Variants in NSMAF observed in about 807,000 individuals in gnomAD.
NSMAF encodes protein FAN.
In NSMAF, 90 loss-of-function variants were observed where a neutral mutation model predicts 134.9. The observed-to-expected ratio is 0.67, with a 90% CI of 0.56 to 0.79. NSMAF has a LOEUF of 0.79. Among genes scored for constraint, NSMAF ranks in the 30% least tolerant of loss-of-function variants. The pLI is 0.00. For missense variants in NSMAF, 1,010 were observed against 1,119.0 expected (o/e 0.90, Z 1.39); for synonymous variants, 358 against 389.6 (o/e 0.92, Z 0.96).
At chr8:58,651,145 G>A (rs1807573229) in intron 1 of NSMAF, among the ~76,000 whole-genome samples, 1 of 151,870 alleles carries the variant, frequency 6.6e-6, no homozygotes, top group Non-Finnish European at 1.5e-5. Flanking sequence ...TCCAATCTTG[G>A]GTCTCATCTT....
chr8:58,607,527 T>C (rs1806435094), intron 11 of NSMAF, among the ~76,000 whole-genome samples: 1 of 152,262 alleles, frequency 6.6e-6, no homozygotes, highest in Non-Finnish European at 1.5e-5. Flanking sequence ...AAGGGCACTC[T>C]AGCCCTCTTG....
At position 58,584,145 on chromosome 8, in the gene NSMAF, C is replaced by T. The variant is rs1805830577; in HGVS notation, c.2715G>A (p.Gly905=). 2 of 1,613,426 alleles carry T rather than the reference C, an allele frequency of 1.2e-6. No homozygotes were observed. The highest frequency in any genetic ancestry group is 1.1e-5 in the South Asian group (1 of 91,070). The change falls in exon 31 of 31, where the codon GGG becomes GGA. Residue 905 remains glycine (G), a synonymous_variant. Coordinates refer to ENST00000038176, the MANE Select transcript of NSMAF (RefSeq NM_003580.4). ...TCCAGAATATAATTTGTCTGTCTTC[C>T]CCTCCTGTGATGATACTGCTACACT... ...NEQCSSIITG[G]EDRQIIFWKL... is the part of the protein sequence containing the mutation.
At chr8:58,619,737 C>T (rs1346857499) in intron 9 of NSMAF, among the ~76,000 whole-genome samples, 4 of 151,846 alleles carry the variant, frequency 2.6e-5, no homozygotes, top group African/African-American at 9.7e-5. Flanking sequence ...ACAGGAAAGA[C>T]CTTTATGAAG....
intron 23 of NSMAF, among the ~76,000 whole-genome samples, chr8:58,593,505 C>A (rs1806065872): frequency 1.3e-5 from 2 of 152,168 alleles, no homozygotes; most frequent in Admixed American, 1.3e-4. Context: ...AAGTTACAAA[C>A]TTTGTCAGAA....
intron 28 of NSMAF, chr8:58,586,217 T>G (rs576892006): frequency 2.7e-4 from 170 of 621,430 alleles, no homozygotes; most frequent in Non-Finnish European, 3.2e-4. Context: ...CATTTTTATC[T>G]TAAATTAATT....
chr8:58,649,838 T>C (rs1002915475), intron 1 of NSMAF, among the ~76,000 whole-genome samples: 5 of 152,244 alleles, frequency 3.3e-5, no homozygotes, highest in African/African-American at 1.2e-4. Context: ...TTCTTTCCTG[T>C]ACAGCCTGCA....
At chr8:58,609,862 T>C in intron 9 of NSMAF, 129 bp from the exon 10 acceptor site, 1 of 821,944 alleles carries the variant, frequency 1.2e-6, no homozygotes, top group Non-Finnish European at 1.8e-6. Flanking sequence ...ATAAGAAAAA[T>C]GGTAATATAA....
At chr8:58,657,465 T>C (rs1807744417) in intron 1 of NSMAF, among the ~76,000 whole-genome samples, 1 of 152,248 alleles carries the variant, frequency 6.6e-6, no homozygotes, top group Non-Finnish European at 1.5e-5. Flanking sequence ...ATCCATTTGC[T>C]AATTTGTGTT....
intron 1 of NSMAF, among the ~76,000 whole-genome samples, chr8:58,643,477 T>A (rs910382165): frequency 3.3e-5 from 5 of 151,722 alleles, no homozygotes; most frequent in African/African-American, 9.7e-5. Flanking sequence ...GCCCCCAACA[T>A]CTGCCTCATG....
chr8:58,603,523 C>T lies in NSMAF; in HGVS notation c.869-137G>A, dbSNP rs544577989. Reference sequence around the variant, plus strand: ...AAGAAAAAGAAAAGTAGGCTGCTGACTTGTTTTCATAAAGTATTTGTTCAG... The same window carrying T: ...AAGAAAAAGAAAAGTAGGCTGCTGATTTGTTTTCATAAAGTATTTGTTCAG... On this transcript the variant is annotated intron_variant, in intron 12 of 30. Coordinates refer to ENST00000038176, the MANE Select transcript of NSMAF (RefSeq NM_003580.4). 5.6e-6 allele frequency: 4 copies of T among 719,526 alleles called. No homozygotes were observed. The Admixed American group carries it at 1.2e-4, about 21-fold the overall frequency. The allele number at this position is 719,526 out of a possible 1,614,324, so 44.6% of individuals were successfully genotyped here.
intron 9 of NSMAF, among the ~76,000 whole-genome samples, chr8:58,620,960 T>C (rs1360653459): frequency 6.6e-6 from 1 of 152,224 alleles, no homozygotes; most frequent in Non-Finnish European, 1.5e-5. Flanking sequence ...CTTTTAACTT[T>C]TATTTTAGTT....
chr8:58,583,915 T>C lies in NSMAF; in HGVS notation c.*191A>G. On this transcript the variant is annotated 3_prime_UTR_variant, in exon 31 of 31. Coordinates refer to ENST00000038176, the MANE Select transcript of NSMAF (RefSeq NM_003580.4). ...TTTTTCCTAACACAGCCGCATTTTA[T>C]CTGCCCTAAGAGAATAGCAACTAAT... 1 of 586,014 alleles carries C rather than the reference T, an allele frequency of 1.7e-6. No homozygotes were observed. The highest frequency in any genetic ancestry group is 3.0e-6 in the Non-Finnish European group (1 of 329,234). The allele number at this position is 586,014 out of a possible 1,614,324, so 36.3% of individuals were successfully genotyped here.
rs1399267063 is a variant in NSMAF at position 58,599,216 on chromosome 8, A to G, written c.1585+16T>C. ...TTCACCCAATGCTAAATAAAATTTC[A>G]ATGAATATTACATACCATTATGGGC... On this transcript the variant is annotated intron_variant, in intron 19 of 30. Coordinates refer to ENST00000038176, the MANE Select transcript of NSMAF (RefSeq NM_003580.4). 4 of 1,592,252 alleles carry G rather than the reference A, an allele frequency of 2.5e-6. No homozygotes were observed. The Admixed American group carries it at 7.2e-5, about 29-fold the overall frequency.
intron 28 of NSMAF, 132 bp downstream of exon 28, chr8:58,586,326 G>T: frequency 4.3e-6 from 4 of 937,038 alleles, no homozygotes; most frequent in Non-Finnish European, 4.8e-6. Context: ...TTAGCCATTG[G>T]CAAAACCTCT....
At chr8:58,623,801 T>C in intron 6 of NSMAF, 21 bp from the exon 7 acceptor site, 1 of 1,589,398 alleles carries the variant, frequency 6.3e-7, no homozygotes, top group African/African-American at 1.3e-5. Context: ...GGGGAAGATA[T>C]CAAAATACAG....
At chr8:58,659,381 C>A (rs1160167423) in intron 1 of NSMAF, 192 bp downstream of exon 1, 1 of 1,520,418 alleles carries the variant, frequency 6.6e-7, no homozygotes, top group Admixed American at 2.0e-5. Flanking sequence ...CGGCCCAGAC[C>A]AGGCCCCCGG....
intron 2 of NSMAF, chr8:58,637,149 C>T (rs1040477272): frequency 2.5e-5 from 8 of 322,246 alleles, no homozygotes; most frequent in Admixed American, 1.2e-4. Context: ...CTTACATTGT[C>T]GCATTTTTGG....
chr8:58,600,115 G>A, intron 16 of NSMAF, 94 bp from the exon 17 acceptor site: 4 of 860,248 alleles, frequency 4.6e-6, no homozygotes, highest in Non-Finnish European at 7.5e-6. Flanking sequence ...CACTTTACCT[G>A]TATTAACTTC....
intron 6 of NSMAF, among the ~76,000 whole-genome samples, chr8:58,630,751 C>T (rs941009229): frequency 1.4e-4 from 21 of 152,066 alleles, no homozygotes; most frequent in Admixed American, 6.6e-4. Flanking sequence ...ATTTCTTGTC[C>T]GTAAAACCCA....
Sources: allele counts gnomAD v4.1 joint callset (sites outside exome capture counted in the v4.1 genomes callset), GRCh38; gene constraint gnomAD v4.1.1; transcripts MANE v1.5; gene names NCBI Gene and HGNC (gene_info 2026-07-23, HGNC 2026-07-21).